The following ASAH2 variants were observed in gnomAD, a reference collection of about 807,000 sequenced individuals.
ASAH2 encodes N-acylsphingosine amidohydrolase 2.
ASAH2 carries 58 observed loss-of-function variants against 82.9 expected under a neutral mutation model. The observed-to-expected ratio is 0.70, with a 90% CI of 0.57 to 0.87. ASAH2 has a LOEUF of 0.87. Among genes scored for constraint, ASAH2 ranks in the 40% least tolerant of loss-of-function variants. The pLI, the probability that ASAH2 is intolerant of heterozygous loss-of-function variation, is 0.00. For missense variants in ASAH2, 779 were observed against 834.0 expected, an observed-to-expected ratio of 0.93 and a Z score of 0.81; for synonymous variants, 276 against 289.7, an observed-to-expected ratio of 0.95 and a Z score of 0.48.
chr10:50,231,549 C>T (rs1414475709), intron 7 of ASAH2, among the ~76,000 whole-genome samples: 1 of 152,118 alleles, frequency 6.6e-6, no homozygotes, highest in Admixed American at 6.6e-5. Flanking sequence ...CCAATCACCC[C>T]ACCAGCTTGT....
intron 7 of ASAH2, among the ~76,000 whole-genome samples, chr10:50,218,915 A>G (rs1845677334): frequency 6.6e-6 from 1 of 152,192 alleles, no homozygotes; most frequent in African/African-American, 2.4e-5. Context: ...TGACATACCT[A>G]AAGAACTGTA....
chr10:50,245,457 A>G lies in ASAH2; in HGVS notation c.128-3T>C. The G allele has an allele frequency of 1.9e-6, 3 of 1,608,624 alleles. No individual in the cohort carries two copies. The highest frequency in any genetic ancestry group is 1.7e-6 in the Non-Finnish European group (2 of 1,176,766). On this transcript the variant is annotated splice_region_variant and splice_polypyrimidine_tract_variant and intron_variant, in intron 2 of 20. Transcript: ENST00000682911. ...TGAAAAAAAATGGCCTCCTAAATCT[A>G]AAACAGAATAAGAGATTTGAGAAAC...
At position 50,211,129 on chromosome 10, in the gene ASAH2, G is replaced by A; in HGVS notation, c.1233C>T (p.Leu411=). The part of the protein sequence containing the change: ...GRAMYQRAKE[L]YASASQEVTG... ...TTACCTCCTGGGAGGCAGAGGCATA[G>A]AGTTCCTAGAAAACACACAGGCTTA... Residue 411 remains leucine, a synonymous_variant, in exon 11 of 21, where the codon CTC becomes CTT. Transcript: ENST00000682911. 1 of 1,611,382 alleles carries A rather than the reference G, an allele frequency of 6.2e-7. No homozygotes were observed. The highest frequency in any genetic ancestry group is 8.5e-7 in the Non-Finnish European group (1 of 1,177,736).
rs1844785639 is a variant in ASAH2 at position 50,187,617 on chromosome 10, AGCAAG to A, written c.2154-118_2154-114del. 1.2e-4 allele frequency: 4 copies of A among 33,610 alleles called. No individual in the cohort carries two copies. In the African/African-American group the frequency reaches 1.4e-3, roughly 12 times the overall value. The allele number at this position is 33,610 out of a possible 1,614,324, so 2.1% of individuals were successfully genotyped here. A position where few individuals can be genotyped will look rare whatever the true frequency, so the allele number is the denominator to read the frequency against. On this transcript the variant is annotated intron_variant, in intron 20 of 20. Coordinates refer to ENST00000682911, the MANE Select transcript of ASAH2 (RefSeq NM_019893.4). ...GAATATTCAGAGAATACCTACAATG[AGCAAG>A]GCACTATCAAGACATTGAAGATACA...
intron 8 of ASAH2, among the ~76,000 whole-genome samples, chr10:50,216,043 C>T (rs1343687190): frequency 6.6e-6 from 1 of 151,656 alleles, no homozygotes; most frequent in Non-Finnish European, 1.5e-5. Flanking sequence ...CCATCATTCT[C>T]AGCAAACTAA....
At chr10:50,224,621 A>G (rs1253139801) in intron 7 of ASAH2, among the ~76,000 whole-genome samples, 3 of 152,116 alleles carry the variant, frequency 2.0e-5, no homozygotes, top group Non-Finnish European at 2.9e-5. Context: ...GACTAATAAC[A>G]TGTGTGCAGA....
chr10:50,223,077 C>G (rs1234345367), intron 7 of ASAH2, among the ~76,000 whole-genome samples: 1 of 152,040 alleles, frequency 6.6e-6, no homozygotes, highest in Non-Finnish European at 1.5e-5. Context: ...AGATTGGGGA[C>G]CTTATCCTAG....
chr10:50,196,303 T>A (rs1425860257), intron 18 of ASAH2, among the ~76,000 whole-genome samples: 3 of 151,998 alleles, frequency 2.0e-5, no homozygotes, highest in Non-Finnish European at 4.4e-5. Flanking sequence ...AATAAGCTTA[T>A]TTTTATTCAC....
chr10:50,198,936 G>T, intron 17 of ASAH2, 115 bp downstream of exon 17: 3 of 1,145,356 alleles, frequency 2.6e-6, no homozygotes, highest in Non-Finnish European at 2.7e-6. Context: ...CGAAGCTAAG[G>T]TTCTCTTTCA....
intron 2 of ASAH2, among the ~76,000 whole-genome samples, chr10:50,246,629 G>A (rs1242919761): frequency 1.3e-5 from 2 of 152,126 alleles, no homozygotes; most frequent in African/African-American, 4.8e-5. Flanking sequence ...CTGAAAGTCA[G>A]AAAAGTGACT....
rs1845251787 is a variant in ASAH2 at position 50,204,825 on chromosome 10, C to T, written c.1625+36G>A. 9 of 1,449,510 alleles carry T rather than the reference C, an allele frequency of 6.2e-6. No homozygotes were observed. The African/African-American group carries it at 9.8e-5, about 16-fold the overall frequency. The allele number at this position is 1,449,510 out of a possible 1,614,324, so 89.8% of individuals were successfully genotyped here. A position where few individuals can be genotyped will look rare whatever the true frequency, so the allele number is the denominator to read the frequency against. The stretch of plus-strand genomic sequence containing the variant: ...CAATTCCAACAGAACATACAACAAA[C>T]ACATTTTTAACTAAGTAATAAAAAG... On this transcript the variant is annotated intron_variant, in intron 14 of 20. Coordinates refer to ENST00000682911, the MANE Select transcript of ASAH2 (RefSeq NM_019893.4).
At chr10:50,230,156 G>C (rs1349745174) in intron 7 of ASAH2, among the ~76,000 whole-genome samples, 1 of 152,176 alleles carries the variant, frequency 6.6e-6, no homozygotes, top group Non-Finnish European at 1.5e-5. Flanking sequence ...TTCCAAGGAA[G>C]TATTGCGTGG....
At chr10:50,211,349 C>T (rs937310045) in intron 10 of ASAH2, among the ~76,000 whole-genome samples, 7 of 152,104 alleles carry the variant, frequency 4.6e-5, no homozygotes, top group Non-Finnish European at 8.8e-5. Flanking sequence ...AGGCTGTTGA[C>T]CTGTATCAAC....
chr10:50,236,966 T>G (rs1021926975), intron 4 of ASAH2, among the ~76,000 whole-genome samples: 31 of 152,248 alleles, frequency 2.0e-4, no homozygotes, highest in Middle Eastern at 3.4e-3. Context: ...ATATTAAATA[T>G]TATATCATAG....
At chr10:50,245,017 A>G (rs1353698756) in intron 3 of ASAH2, among the ~76,000 whole-genome samples, 4 of 152,062 alleles carry the variant, frequency 2.6e-5, no homozygotes, top group Non-Finnish European at 2.9e-5. Flanking sequence ...AAAAAGGCCA[A>G]TGGATTTTAC....
At chr10:50,222,651 TAA>T (rs1173359031) in intron 7 of ASAH2, among the ~76,000 whole-genome samples, 2 of 152,092 alleles carry the variant, frequency 1.3e-5, no homozygotes, top group Admixed American at 6.5e-5. Flanking sequence ...AAAATTAAAA[TAA>T]AATAAGTGTT....
chr10:50,245,472 AT>A lies in ASAH2; in HGVS notation c.128-19del. 6.3e-7 allele frequency: 1 copy of A among 1,595,294 alleles called. No individual in the cohort carries two copies. Among genetic ancestry groups the A allele is most frequent in the Non-Finnish European group, 8.6e-7 (1 of 1,168,160 alleles). ...TCCTAAATCTAAAACAGAATAAGAG[AT>A]TTGAGAAACAACATTTCAGCCCTCT... On this transcript the variant is annotated intron_variant, in intron 2 of 20. Coordinates refer to ENST00000682911, the MANE Select transcript of ASAH2 (RefSeq NM_019893.4).
At chr10:50,227,481 T>G (rs1258248435) in intron 7 of ASAH2, among the ~76,000 whole-genome samples, 15 of 152,348 alleles carry the variant, frequency 9.8e-5, no homozygotes, top group Admixed American at 7.8e-4. Flanking sequence ...ATGTTCCACA[T>G]AGAAAAATGA....
At chr10:50,237,974 G>A (rs934869748) in intron 4 of ASAH2, among the ~76,000 whole-genome samples, 2 of 152,006 alleles carry the variant, frequency 1.3e-5, no homozygotes, top group African/African-American at 2.4e-5. Context: ...TCCAGCAAAA[G>A]TGTCAAACCC....
Sources: allele counts gnomAD v4.1 joint callset (sites outside exome capture counted in the v4.1 genomes callset), GRCh38; gene constraint gnomAD v4.1.1; transcripts MANE v1.5; gene names NCBI Gene and HGNC (gene_info 2026-07-23, HGNC 2026-07-21).